The following PDGFD variants were observed in gnomAD, a reference collection of about 807,000 sequenced individuals.
PDGFD encodes platelet-derived growth factor D.
A neutral mutation model predicts 44.7 loss-of-function variants in PDGFD; 30 were observed. The observed-to-expected ratio is 0.67, with a 90% CI of 0.50 to 0.91. PDGFD has a LOEUF of 0.91. Ranked by LOEUF, PDGFD falls within the 40% of genes least tolerant of loss-of-function variation. The pLI, the probability that PDGFD is intolerant of heterozygous loss-of-function variation, is 0.00. For synonymous variants in PDGFD, 173 were observed against 168.4 expected, an observed-to-expected ratio of 1.03 and a Z score of -0.21; for missense variants, 445 against 457.8, an observed-to-expected ratio of 0.97 and a Z score of 0.25.
intron 3 of PDGFD, among the ~76,000 whole-genome samples, chr11:103,995,053 ATT>A (rs908287985): frequency 6.6e-6 from 1 of 151,480 alleles, no homozygotes; most frequent in South Asian, 2.1e-4. Flanking sequence ...AAATTTTTAA[ATT>A]TTTTTTGTAG....
chr11:104,083,933 C>A (rs566737317), intron 1 of PDGFD, among the ~76,000 whole-genome samples: 1 of 152,256 alleles, frequency 6.6e-6, no homozygotes, highest in South Asian at 2.1e-4. Context: ...ACTGAAGGTG[C>A]TAAAAAGTTT....
intron 5 of PDGFD, among the ~76,000 whole-genome samples, chr11:103,932,270 CAGTAA>C (rs1391221166): frequency 2.0e-5 from 3 of 151,784 alleles, no homozygotes; most frequent in East Asian, 3.9e-4. Flanking sequence ...TTTTCACTTT[CAGTAA>C]AGTATTCAAT....
intron 1 of PDGFD, among the ~76,000 whole-genome samples, chr11:104,162,499 G>A (rs1046137710): frequency 2.0e-5 from 3 of 152,086 alleles, no homozygotes; most frequent in Non-Finnish European, 4.4e-5. Flanking sequence ...TTTTAACTAA[G>A]ACAGAGAGTT....
At chr11:103,972,091 C>G (rs12420483) in intron 3 of PDGFD, among the ~76,000 whole-genome samples, 1 of 152,014 alleles carries the variant, frequency 6.6e-6, no homozygotes, top group Non-Finnish European at 1.5e-5. Context: ...TAAAATGTTC[C>G]AGAAAATCAC....
chr11:103,971,516 T>C (rs943428625), intron 3 of PDGFD, among the ~76,000 whole-genome samples: 5 of 151,168 alleles, frequency 3.3e-5, no homozygotes, highest in Admixed American at 6.6e-5. Context: ...TGATAATTTG[T>C]GAGAAATGGA....
chr11:104,053,707 T>C (rs1395458938), intron 1 of PDGFD, among the ~76,000 whole-genome samples: 1 of 152,176 alleles, frequency 6.6e-6, no homozygotes, highest in Non-Finnish European at 1.5e-5. Context: ...AAGAAGCGCA[T>C]ATATTCAACT....
At chr11:104,109,109 A>G (rs1861513704) in intron 1 of PDGFD, among the ~76,000 whole-genome samples, 2 of 151,724 alleles carry the variant, frequency 1.3e-5, no homozygotes, top group Non-Finnish European at 2.9e-5. Context: ...TAAATGATGA[A>G]TTAATGGGTG....
chr11:103,935,093 T>C (rs1321937283), intron 5 of PDGFD, among the ~76,000 whole-genome samples: 1 of 152,238 alleles, frequency 6.6e-6, no homozygotes, highest in Non-Finnish European at 1.5e-5. Context: ...AATGCACATT[T>C]GTTCATCCGA....
intron 1 of PDGFD, among the ~76,000 whole-genome samples, chr11:104,104,907 A>G (rs1214998894): frequency 5.4e-5 from 5 of 91,952 alleles, no homozygotes; most frequent in Non-Finnish European, 1.1e-4. Context: ...GCAAATTTAC[A>G]TATATCTATG....
At chr11:104,072,094 A>G (rs1860886279) in intron 1 of PDGFD, among the ~76,000 whole-genome samples, 1 of 151,780 alleles carries the variant, frequency 6.6e-6, no homozygotes, top group South Asian at 2.1e-4. Flanking sequence ...TTCCATATGA[A>G]GTGCAATACC....
intron 1 of PDGFD, among the ~76,000 whole-genome samples, chr11:104,126,927 G>A (rs1861849502): frequency 6.6e-6 from 1 of 152,014 alleles, no homozygotes; most frequent in South Asian, 2.1e-4. Flanking sequence ...TGCACAGGAA[G>A]CCTTGGTGAT....
At chr11:104,056,008 T>C (rs1473550511) in intron 1 of PDGFD, among the ~76,000 whole-genome samples, 1 of 152,166 alleles carries the variant, frequency 6.6e-6, no homozygotes, top group Admixed American at 6.6e-5. Context: ...TATTCACCCC[T>C]ACCTCAAAGT....
At chr11:104,121,851 G>T (rs927534189) in intron 1 of PDGFD, among the ~76,000 whole-genome samples, 2 of 151,922 alleles carry the variant, frequency 1.3e-5, no homozygotes, top group Non-Finnish European at 2.9e-5. Context: ...TATTAATCTA[G>T]ATTTTTCACA....
intron 1 of PDGFD, among the ~76,000 whole-genome samples, chr11:104,135,627 G>A (rs1861993249): frequency 6.6e-6 from 1 of 152,122 alleles, no homozygotes; most frequent in African/African-American, 2.4e-5. Flanking sequence ...GAAGGTATCT[G>A]ATCAAATTTC....
intron 1 of PDGFD, among the ~76,000 whole-genome samples, chr11:104,115,318 T>A (rs11226173): frequency 6.7e-6 from 1 of 149,558 alleles, no homozygotes; most frequent in East Asian, 2.0e-4. Flanking sequence ...GGAATACTAC[T>A]ATATATAGTC....
intron 1 of PDGFD, among the ~76,000 whole-genome samples, chr11:104,101,630 G>C (rs1172008520): frequency 6.6e-6 from 1 of 152,052 alleles, no homozygotes; most frequent in African/African-American, 2.4e-5. Flanking sequence ...TCAATCCTAA[G>C]CCAAAAGAAC....
chr11:104,078,732 T>C (rs1446441176), intron 1 of PDGFD, among the ~76,000 whole-genome samples: 1 of 152,198 alleles, frequency 6.6e-6, no homozygotes, highest in African/African-American at 2.4e-5. Flanking sequence ...ATGATCTCAT[T>C]TTAATGTTAG....
chr11:104,160,078 C>T (rs1862367783), intron 1 of PDGFD, among the ~76,000 whole-genome samples: 1 of 152,148 alleles, frequency 6.6e-6, no homozygotes, highest in Non-Finnish European at 1.5e-5. Flanking sequence ...TGTTGTGTTG[C>T]CTTCCCTTTA....
chr11:104,035,030 T>C (rs1023057115), intron 1 of PDGFD, among the ~76,000 whole-genome samples: 2 of 152,138 alleles, frequency 1.3e-5, no homozygotes, highest in Non-Finnish European at 2.9e-5. Flanking sequence ...CTTTTCACCA[T>C]GACAGCCTTG....
Sources: allele counts gnomAD v4.1 joint callset (sites outside exome capture counted in the v4.1 genomes callset), GRCh38; gene constraint gnomAD v4.1.1; transcripts MANE v1.5; gene names NCBI Gene and HGNC (gene_info 2026-07-23, HGNC 2026-07-21).